The following EZH2 variants were observed in gnomAD, a reference collection of about 807,000 sequenced individuals.
EZH2 encodes the protein histone-lysine N-methyltransferase EZH2.
EZH2 carries 18 observed loss-of-function variants against 98.4 expected under a neutral mutation model. That is an observed-to-expected ratio of 0.18 (90% CI 0.13 to 0.27). The LOEUF (loss-of-function observed/expected upper bound fraction) is 0.27. EZH2 is among the 10% of genes least tolerant of loss of function. The pLI is 1.00. For synonymous variants in EZH2, 338 were observed against 312.3 expected (o/e 1.08, Z -0.87); for missense variants, 470 against 935.1 (o/e 0.50, Z 6.49).
Position 148,819,626 on chromosome 7 carries a change from T to C in EZH2, c.969A>G (p.Lys323=), listed in dbSNP as rs533496171. ...RKNTETALDN[K]PCGPQCYQHL... ...GCTGGTAACACTGTGGTCCACAAGGTTTGTTGTCTAGAGCTGTTTCTGTGT... is the reference window on the plus strand; with the variant it reads ...GCTGGTAACACTGTGGTCCACAAGGCTTGTTGTCTAGAGCTGTTTCTGTGT... The change falls in exon 9 of 20, where the codon AAA becomes AAG. Residue 323 remains lysine, a synonymous_variant. Transcript: ENST00000320356. 1 of 1,614,102 alleles carries C rather than the reference T, an allele frequency of 6.2e-7. No individual in the cohort carries two copies. Among genetic ancestry groups the C allele is most frequent in the East Asian group, 2.2e-5 (1 of 44,878 alleles).
intron 1 of EZH2, among the ~76,000 whole-genome samples, chr7:148,868,955 T>G (rs1313224035): frequency 6.6e-6 from 1 of 152,206 alleles, no homozygotes; most frequent in South Asian, 2.1e-4. Flanking sequence ...TTTCTTTAAC[T>G]GCAAAGGTAA....
intron 1 of EZH2, among the ~76,000 whole-genome samples, chr7:148,877,236 CA>C (rs1269113145): frequency 6.6e-6 from 1 of 152,122 alleles, no homozygotes; most frequent in Non-Finnish European, 1.5e-5. Flanking sequence ...AATGAGATAA[CA>C]GGGATCAATA....
At chr7:148,820,924 T>A (rs1805877981) in intron 8 of EZH2, 2 of 152,160 alleles carry the variant, frequency 1.3e-5, no homozygotes. Context: ...CTAAAACTCA[T>A]CCAGAAGAGA....
At chr7:148,873,201 A>G (rs969604902) in intron 1 of EZH2, among the ~76,000 whole-genome samples, 6 of 151,948 alleles carry the variant, frequency 3.9e-5, no homozygotes, top group African/African-American at 4.8e-5. Flanking sequence ...AAGAAAAAAG[A>G]AAAAAAGAGG....
At chr7:148,864,697 AAAGGAAAAAAAGAAAAAAAAAGTTT>A (rs1818182166) in intron 1 of EZH2, among the ~76,000 whole-genome samples, 1 of 150,134 alleles carries the variant, frequency 6.7e-6, no homozygotes, top group African/African-American at 2.5e-5. Flanking sequence ...AAAAAAAAAA[AAAGGAAAAAAAGAAAAAAAAAGTTT>A]AAGTTTTTCT....
chr7:148,852,245 G>A (rs1236368159), intron 1 of EZH2, among the ~76,000 whole-genome samples: 2 of 152,104 alleles, frequency 1.3e-5, no homozygotes, highest in African/African-American at 2.4e-5. Flanking sequence ...TAAAATTAAG[G>A]GCAATTACAG....
chr7:148,809,172 T>C lies in EZH2; in HGVS notation c.2111-17A>G, dbSNP rs1791981873. 6.2e-7 allele frequency: 1 copy of C among 1,612,360 alleles called. No homozygotes were observed. The highest frequency in any genetic ancestry group is 1.7e-5 in the Admixed American group (1 of 59,994). ...CCATCATAACTGCAAAGAGACACAC[T>C]GGTGTCAGTGAGCATGAAGACGGGC... is the stretch of plus-strand genomic sequence containing the variant. On this transcript the variant is annotated splice_polypyrimidine_tract_variant and intron_variant, in intron 18 of 19. Transcript: ENST00000320356.
chr7:148,867,083 T>C (rs1213031987), intron 1 of EZH2, among the ~76,000 whole-genome samples: 3 of 151,076 alleles, frequency 2.0e-5, no homozygotes, highest in East Asian at 4.0e-4. Context: ...TCCCAGCACT[T>C]TGGGAAGCCG....
chr7:148,871,293 CA>C (rs1819341059), intron 1 of EZH2, among the ~76,000 whole-genome samples: 1 of 146,570 alleles, frequency 6.8e-6, no homozygotes, highest in Admixed American at 7.0e-5. Flanking sequence ...TGAGGTTACT[CA>C]AAACATTAAA....
intron 12 of EZH2, among the ~76,000 whole-genome samples, chr7:148,815,939 A>G (rs1396423111): frequency 2.6e-5 from 4 of 152,224 alleles, no homozygotes; most frequent in Non-Finnish European, 5.9e-5. Flanking sequence ...AAAATTTCAG[A>G]AGCATCTCCT....
chr7:148,829,590 C>A, intron 5 of EZH2, 138 bp downstream of exon 5: 1 of 862,114 alleles, frequency 1.2e-6, no homozygotes. Context: ...AGGCCTGGGC[C>A]CAGGTTCAGT....
chr7:148,843,960 A>T (rs1436265832), intron 3 of EZH2, among the ~76,000 whole-genome samples: 2 of 152,242 alleles, frequency 1.3e-5, no homozygotes, highest in African/African-American at 4.8e-5. Flanking sequence ...GTCATGCTGC[A>T]GAGGATTTAA....
In EZH2 at chr7:148,807,663, C is replaced by T; in HGVS notation, c.2239G>A (p.Glu747Lys). 1 of 1,598,082 alleles carries T rather than the reference C, an allele frequency of 6.3e-7. No individual in the cohort carries two copies. Among genetic ancestry groups the T allele is most frequent in the Non-Finnish European group, 8.5e-7 (1 of 1,171,670 alleles). ...DALKYVGIER[E>K]MEIP ...AGCAGATGTCAAGGGATTTCCATTT[C>T]TCTTTCGATGCCGACATACTTCAGG... The change falls in exon 20 of 20, where the codon GAA becomes AAA. Residue 747 changes from glutamate to lysine, a missense_variant. Transcript: ENST00000320356.
intron 1 of EZH2, among the ~76,000 whole-genome samples, chr7:148,863,084 A>G (rs1220988273): frequency 1.5e-4 from 1 of 6,484 alleles, no homozygotes; most frequent in Non-Finnish European, 6.5e-4. Flanking sequence ...ACCCTGTCTC[A>G]AAAAAAAAAA....
chr7:148,824,901 A>T (rs753064921), intron 8 of EZH2, among the ~76,000 whole-genome samples: 2 of 152,188 alleles, frequency 1.3e-5, no homozygotes, highest in Non-Finnish European at 2.9e-5. Context: ...CAACTTTATT[A>T]AAGTAAAATA....
Position 148,826,641 on chromosome 7 carries a change from A to G in EZH2, c.729-9T>C. On this transcript the variant is annotated splice_polypyrimidine_tract_variant and intron_variant, in intron 7 of 19. Coordinates refer to ENST00000320356, the MANE Select transcript of EZH2 (RefSeq NM_004456.5). ...CGGTGAGTTCTTTATATCTGACATT[A>G]ACCAAGAAAAATTTAAGTAAACATG... 6.9e-7 allele frequency: 1 copy of G among 1,448,088 alleles called. No individual in the cohort carries two copies. Among genetic ancestry groups the G allele is most frequent in the South Asian group, 1.6e-5 (1 of 61,390 alleles). The allele number at this position is 1,448,088 out of a possible 1,614,324, so 89.7% of individuals were successfully genotyped here.
At chr7:148,866,691 T>C (rs112952027) in intron 1 of EZH2, among the ~76,000 whole-genome samples, 1 of 144,022 alleles carries the variant, frequency 6.9e-6, no homozygotes. Context: ...TATGCATATA[T>C]ATATACATAT....
At chr7:148,879,443 T>G (rs1354038261) in intron 1 of EZH2, among the ~76,000 whole-genome samples, 1 of 150,366 alleles carries the variant, frequency 6.7e-6, no homozygotes, top group African/African-American at 2.4e-5. Context: ...GTAATCCTAG[T>G]ACTTTGGGAG....
chr7:148,852,624 GC>G (rs1357279921), intron 1 of EZH2, among the ~76,000 whole-genome samples: 1 of 152,014 alleles, frequency 6.6e-6, no homozygotes, highest in East Asian at 1.9e-4. Flanking sequence ...AAAAATGTTT[GC>G]CCAAGGACTT....
Sources: allele counts gnomAD v4.1 joint callset (sites outside exome capture counted in the v4.1 genomes callset), GRCh38; gene constraint gnomAD v4.1.1; transcripts MANE v1.5; gene names NCBI Gene and HGNC (gene_info 2026-07-23, HGNC 2026-07-21).